GRIK5: variants seen among roughly 807,000 people sequenced by gnomAD.
GRIK5 encodes the protein glutamate ionotropic receptor kainate type subunit 5, also known as glutamate receptor ionotropic, kainate 5.
In GRIK5, 43 loss-of-function variants were observed where a neutral mutation model predicts 97.4. That is an observed-to-expected ratio of 0.44 (90% CI 0.35 to 0.57). The LOEUF (loss-of-function observed/expected upper bound fraction) is 0.57. GRIK5 is among the 20% of genes least tolerant of loss of function. GRIK5 has a pLI of 0.01. For missense variants in GRIK5, 1,015 were observed against 1,382.0 expected, an observed-to-expected ratio of 0.73 and a Z score of 4.21; for synonymous variants, 580 against 583.5, an observed-to-expected ratio of 0.99 and a Z score of 0.09.
Position 41,999,170 on chromosome 19 carries a change from C to G in GRIK5, c.2644G>C (p.Glu882Gln). ...RALLSLRAVR[E>Q]MRLSNGKLYS... ...AGCTTGCCGTTGCTGAGGCGCATCT[C>G]GCGGACCGCGCGCAGTGACAGCAGG... Residue 882 changes from glutamate to glutamine, a missense_variant, in exon 20 of 20, where the codon GAG (glutamate) becomes CAG (glutamine). Coordinates refer to ENST00000593562, the MANE Select transcript of GRIK5 (RefSeq NM_002088.5). The surrounding 1 kb of genome is among the most constrained non-coding windows in gnomAD (Gnocchi z 5.0). 1 of 1,507,060 alleles carries G rather than the reference C, an allele frequency of 6.6e-7. No homozygotes were observed. The highest frequency in any genetic ancestry group is 8.8e-7 in the Non-Finnish European group (1 of 1,136,108). The allele number at this position is 1,507,060 out of a possible 1,614,324, so 93.4% of individuals were successfully genotyped here.
At chr19:42,043,093 AG>A (rs1347726296) in intron 11 of GRIK5, among the ~76,000 whole-genome samples, 1 of 152,206 alleles carries the variant, frequency 6.6e-6, no homozygotes, top group Non-Finnish European at 1.5e-5. Flanking sequence ...AAAGTGGATC[AG>A]GGGCTTTCAG....
At chr19:42,000,746 C>A (rs1250163526) in intron 19 of GRIK5, among the ~76,000 whole-genome samples, 3 of 152,200 alleles carry the variant, frequency 2.0e-5, no homozygotes, top group Non-Finnish European at 4.4e-5. Context: ...TCAGCCATTG[C>A]ACATTCTGCT....
rs1207775765 is a variant in GRIK5, at chr19:42,042,676, A to G, written c.1349T>C (p.Met450Thr). Reference protein sequence around the residue: ...NERFEGFCVDMLRELAELLRF... With the variant: ...NERFEGFCVDTLRELAELLRF... ...CAGCAGCTCGGCCAGCTCCCGCAGC[A>G]TGTCCACGCAGAAGCCCTCGAAGCG... Residue 450 changes from methionine to threonine, a missense_variant, in exon 12 of 20, where the codon ATG becomes ACG. Transcript: ENST00000593562. This position sits in a 1 kb window ranked among gnomAD's most constrained non-coding sequence, Gnocchi z 6.9. 6.2e-7 allele frequency: 1 copy of G among 1,613,614 alleles called. No individual in the cohort carries two copies. The highest frequency in any genetic ancestry group is 1.7e-5 in the Admixed American group (1 of 60,010).
In GRIK5 at chr19:42,069,822, G is replaced by A. The variant is rs1415515868; in HGVS notation, c.-632C>T. Among the ~76,000 whole-genome samples the A allele has an allele frequency of 6.6e-6, 1 of 152,060 alleles. No homozygotes were observed. Among genetic ancestry groups the A allele is most frequent in the Admixed American group, 6.5e-5 (1 of 15,288 alleles). On this transcript the variant is annotated 5_prime_UTR_variant, in exon 1 of 20. Coordinates refer to ENST00000593562, the MANE Select transcript of GRIK5 (RefSeq NM_002088.5). ...AGGGCCCGGAGTCCTCAAGCCCTCA[G>A]CCCCCACGGGAAAAGCATGCTGGGG...
chr19:42,027,491 G>A (rs980446281), intron 12 of GRIK5, among the ~76,000 whole-genome samples: 8 of 152,222 alleles, frequency 5.3e-5, no homozygotes, highest in South Asian at 4.1e-4. Flanking sequence ...AGGGCCTTGC[G>A]GGCCACAGTA....
intron 1 of GRIK5, among the ~76,000 whole-genome samples, chr19:42,067,984 C>T (rs1013240440): frequency 6.6e-6 from 1 of 152,112 alleles, no homozygotes; most frequent in Non-Finnish European, 1.5e-5. Flanking sequence ...CGAAGGCACA[C>T]AGGGTGAGGG....
intron 1 of GRIK5, chr19:42,068,719 GAGCAAC>G (rs1221923496): frequency 2.0e-6 from 1 of 493,738 alleles, no homozygotes; most frequent in Non-Finnish European, 3.6e-6. Flanking sequence ...GACATGCCGA[GAGCAAC>G]CTGGGCTAAC....
intron 12 of GRIK5, among the ~76,000 whole-genome samples, chr19:42,023,993 A>G (rs1041185441): frequency 6.6e-6 from 1 of 152,016 alleles, no homozygotes; most frequent in African/African-American, 2.4e-5. Flanking sequence ...GCCTCCCCTC[A>G]TATCTTCTGT....
intron 15 of GRIK5, among the ~76,000 whole-genome samples, chr19:42,018,117 C>A (rs182318099): frequency 1.4e-5 from 2 of 145,790 alleles, no homozygotes; most frequent in African/African-American, 5.1e-5. Flanking sequence ...ATCGAGACCA[C>A]CCTGGCTAAC....
intron 12 of GRIK5, among the ~76,000 whole-genome samples, chr19:42,040,536 C>G (rs1262695816): frequency 6.6e-6 from 1 of 152,150 alleles, no homozygotes; most frequent in Non-Finnish European, 1.5e-5. Context: ...CCTGTCTCAC[C>G]CGGGGCCTCT....
intron 12 of GRIK5, among the ~76,000 whole-genome samples, chr19:42,027,465 G>C (rs1426946448): frequency 6.6e-6 from 1 of 152,228 alleles, no homozygotes; most frequent in Admixed American, 6.5e-5. Context: ...CAGCAGAGTG[G>C]GGCCAAGAGC....
chr19:42,060,000 G>A (rs752181927), intron 5 of GRIK5, among the ~76,000 whole-genome samples: 3 of 151,954 alleles, frequency 2.0e-5, no homozygotes, highest in Non-Finnish European at 2.9e-5. Flanking sequence ...ACTCCTGCCT[G>A]CTGCAATCCC....
chr19:42,011,134 C>T (rs2075556668), intron 15 of GRIK5, among the ~76,000 whole-genome samples: 1 of 151,916 alleles, frequency 6.6e-6, no homozygotes. Context: ...CACACACACA[C>T]ACACACACCC....
chr19:42,065,793 C>A lies in GRIK5; in HGVS notation c.-23G>T. ...CATCTTCCTCCCCTCCTCATGGGGA[C>A]GCAGCTGCCGCGGCCCCCACTCGCC... On this transcript the variant is annotated 5_prime_UTR_variant, in exon 2 of 20. Coordinates refer to ENST00000593562, the MANE Select transcript of GRIK5 (RefSeq NM_002088.5). The surrounding 1 kb of genome is among the most constrained non-coding windows in gnomAD (Gnocchi z 5.8). 1 of 1,540,606 alleles carries A rather than the reference C, an allele frequency of 6.5e-7. No individual in the cohort carries two copies. Among genetic ancestry groups the A allele is most frequent in the Non-Finnish European group, 8.8e-7 (1 of 1,140,816 alleles).
intron 12 of GRIK5, among the ~76,000 whole-genome samples, chr19:42,024,502 C>T (rs755150043): frequency 2.6e-5 from 4 of 152,140 alleles, no homozygotes; most frequent in African/African-American, 4.8e-5. Context: ...CGTGAGCCAC[C>T]GCGCCTGGCC....
rs1334225926 is a variant in GRIK5, at chr19:42,068,722, C to G, written c.-51+519G>C. The G allele has an allele frequency of 8.1e-6, 4 of 491,940 alleles. No homozygotes were observed. The Admixed American group carries it at 1.5e-4, about 18-fold the overall frequency. 30.5% of individuals were successfully genotyped at this position (491,940 alleles called of 1,614,324 possible). ...GATCTAAACAGAGACATGCCGAGAGCAACCTGGGCTAACAGCAAAGAGAGA... is the reference window on the plus strand; with the variant it reads ...GATCTAAACAGAGACATGCCGAGAGGAACCTGGGCTAACAGCAAAGAGAGA... On this transcript the variant is annotated intron_variant, in intron 1 of 19. Transcript: ENST00000593562.
At position 42,021,407 on chromosome 19, in the gene GRIK5, G is replaced by T; in HGVS notation, c.1765C>A (p.Gln589Lys). The change falls in exon 15 of 20, where the codon CAG becomes AAG. Residue 589 changes from glutamine (Q) to lysine (K), a missense_variant. Coordinates refer to ENST00000593562, the MANE Select transcript of GRIK5 (RefSeq NM_002088.5). This position sits in a 1 kb window ranked among gnomAD's most constrained non-coding sequence, Gnocchi z 4.2. ...CACAGGCTGTTGCCCAGCGTGTACTGGTTCTCCAGGATGTGGGGGCGTGCC... is the reference window on the plus strand; with the variant it reads ...CACAGGCTGTTGCCCAGCGTGTACTTGTTCTCCAGGATGTGGGGGCGTGCC... ...LRARPHILEN[Q>K]YTLGNSLWFP... 6.2e-7 allele frequency: 1 copy of T among 1,612,346 alleles called. No homozygotes were observed. The highest frequency in any genetic ancestry group is 8.5e-7 in the Non-Finnish European group (1 of 1,179,098).
At chr19:42,050,205 C>T (rs2076095132) in intron 11 of GRIK5, among the ~76,000 whole-genome samples, 2 of 152,162 alleles carry the variant, frequency 1.3e-5, no homozygotes, top group Non-Finnish European at 2.9e-5. Flanking sequence ...GCTGGGGTTA[C>T]AGGTGTGAAC....
chr19:42,063,238 C>T (rs2076284723), intron 3 of GRIK5: 3 of 463,790 alleles, frequency 6.5e-6, no homozygotes, highest in East Asian at 6.7e-5. Flanking sequence ...CTCCCCTGAC[C>T]CCACAGCCCA....
Sources: allele counts gnomAD v4.1 joint callset (sites outside exome capture counted in the v4.1 genomes callset), GRCh38; gene constraint gnomAD v4.1.1; non-coding constraint Gnocchi (gnomAD v3.1); transcripts MANE v1.5; gene names NCBI Gene and HGNC (gene_info 2026-07-23, HGNC 2026-07-21).